Variants in PHF20 observed in about 807,000 individuals in gnomAD.
PHF20 encodes the protein PHD finger protein 20.
A neutral mutation model predicts 113.5 loss-of-function variants in PHF20; 23 were observed. The observed-to-expected ratio is 0.20, with a 90% CI of 0.15 to 0.29. The LOEUF (loss-of-function observed/expected upper bound fraction) is 0.29, where lower values mean the gene tolerates loss of function less well. Among genes scored for constraint, PHF20 ranks in the 10% least tolerant of loss-of-function variants. The pLI is 1.00. For missense variants in PHF20, 943 were observed against 1,219.6 expected (o/e 0.77, Z 3.38); for synonymous variants, 434 against 457.3 (o/e 0.95, Z 0.65).
intron 1 of PHF20, among the ~76,000 whole-genome samples, chr20:35,778,343 T>G (rs1288669920): frequency 6.6e-6 from 1 of 152,182 alleles, no homozygotes; most frequent in African/African-American, 2.4e-5. Context: ...AAATGTATGC[T>G]TAGTCAAGAT....
intron 2 of PHF20, among the ~76,000 whole-genome samples, chr20:35,803,724 G>A (rs945825188): frequency 2.0e-5 from 3 of 149,654 alleles, no homozygotes; most frequent in Non-Finnish European, 4.4e-5. Flanking sequence ...AATATACTGC[G>A]TGTGTGTATA....
Position 35,868,289 on chromosome 20 carries a change from A to G in PHF20, c.809-1149A>G, listed in dbSNP as rs1253539501. On this transcript the variant is annotated intron_variant, in intron 6 of 17. Coordinates refer to ENST00000374012, the MANE Select transcript of PHF20 (RefSeq NM_016436.5). The stretch of plus-strand genomic sequence containing the variant: ...GCCTGGGCAACGAGAGCAAAACTCT[A>G]TCTCAAAAAAAAGTTAATAGTAAAT... Among the ~76,000 whole-genome samples the G allele has an allele frequency of 1.3e-5, 2 of 150,174 alleles. 1 individual carries two copies.
Position 35,857,572 on chromosome 20 carries a change from T to TTTTG in PHF20, c.341-727_341-726insGTTT, listed in dbSNP as rs1186423472. 7.1e-3 allele frequency among the ~76,000 whole-genome samples: 931 copies of TTTTG among 130,272 alleles called. 8 individuals carry two copies. Among genetic ancestry groups the TTTTG allele is most frequent in the African/African-American group, 0.03 (885 of 29,788 alleles). 85.5% of individuals were successfully genotyped at this position (130,272 alleles called of 152,430 possible). A position where few individuals can be genotyped will look rare whatever the true frequency, so the allele number is the denominator to read the frequency against. On this transcript the variant is annotated intron_variant, in intron 4 of 17. Transcript: ENST00000374012. ...AGCTGAATGATGTTCCTTTTTTTTT[T>TTTTG]TTTTTTTTTTTTTTGTTTTTTTTTT...
At chr20:35,835,018 T>C (rs2146926127) in intron 2 of PHF20, among the ~76,000 whole-genome samples, 1 of 152,280 alleles carries the variant, frequency 6.6e-6, no homozygotes, top group East Asian at 1.9e-4. Context: ...GGCTCATGCC[T>C]GTAATCCCAG....
At chr20:35,857,640 C>A (rs780030500) in intron 4 of PHF20, among the ~76,000 whole-genome samples, 1 of 128,516 alleles carries the variant, frequency 7.8e-6, no homozygotes, top group Non-Finnish European at 1.5e-5. Flanking sequence ...GAGTGGAGTG[C>A]GATGGCAGGA....
chr20:35,786,479 G>C (rs1240560168), intron 1 of PHF20, among the ~76,000 whole-genome samples: 1 of 152,160 alleles, frequency 6.6e-6, no homozygotes, highest in Non-Finnish European at 1.5e-5. Context: ...CGAGGCGGGT[G>C]GATCACAAGG....
At chr20:35,922,621 A>G (rs960563109) in intron 13 of PHF20, among the ~76,000 whole-genome samples, 1 of 152,238 alleles carries the variant, frequency 6.6e-6, no homozygotes. Flanking sequence ...TAAATACGGT[A>G]TTTGAGAAAT....
intron 14 of PHF20, among the ~76,000 whole-genome samples, chr20:35,929,200 C>T (rs988459628): frequency 6.6e-6 from 1 of 152,170 alleles, no homozygotes; most frequent in African/African-American, 2.4e-5. Flanking sequence ...GTTGACTTTC[C>T]TCATAAAGCA....
At chr20:35,900,456 A>G (rs1012045993) in intron 10 of PHF20, among the ~76,000 whole-genome samples, 1 of 152,192 alleles carries the variant, frequency 6.6e-6, no homozygotes, top group Non-Finnish European at 1.5e-5. Context: ...AGAGCCATGC[A>G]GACTAAGGTG....
intron 9 of PHF20, among the ~76,000 whole-genome samples, chr20:35,878,286 A>G (rs1465563697): frequency 6.6e-6 from 1 of 152,186 alleles, no homozygotes; most frequent in South Asian, 2.1e-4. Flanking sequence ...GACTTCAGAT[A>G]CCTATGATAC....
In PHF20 at chr20:35,863,382, C is replaced by G; in HGVS notation, c.790C>G (p.Pro264Ala). ...ACCCAAAAGAAAACGAGGCAGACCCCCTTCCATAGCTCCTACTGGTGAGTT... is the reference window on the plus strand; with the variant it reads ...ACCCAAAAGAAAACGAGGCAGACCCGCTTCCATAGCTCCTACTGGTGAGTT... Reference protein sequence around the residue: ...REPKRKRGRPPSIAPTAVDSN... With the variant: ...REPKRKRGRPASIAPTAVDSN... The change falls in exon 6 of 18, where the codon CCT (proline) becomes GCT (alanine). Residue 264 changes from proline (P) to alanine (A), a missense_variant. Coordinates refer to ENST00000374012, the MANE Select transcript of PHF20 (RefSeq NM_016436.5). The G allele has an allele frequency of 6.2e-7, 1 of 1,603,506 alleles. No individual in the cohort carries two copies.
intron 3 of PHF20, among the ~76,000 whole-genome samples, chr20:35,847,149 C>T (rs2042638599): frequency 6.6e-6 from 1 of 152,116 alleles, no homozygotes; most frequent in African/African-American, 2.4e-5. Flanking sequence ...AAAACGTTTA[C>T]TTTTGGTGAG....
chr20:35,833,307 TA>T lies in PHF20; in HGVS notation c.84-9265del, dbSNP rs113239088. Among the ~76,000 whole-genome samples the T allele has an allele frequency of 3.0e-3, 452 of 152,270 alleles. 1 individual carries two copies. Among genetic ancestry groups the T allele is most frequent in the African/African-American group, 0.01 (423 of 41,560 alleles). ...AGCTTATTACGGTAACCTTATTTAT[TA>T]TGAATTTTTGCTTATCTGTCCTTTC... On this transcript the variant is annotated intron_variant, in intron 2 of 17. Transcript: ENST00000374012.
chr20:35,809,537 C>T (rs2041941058), intron 2 of PHF20, among the ~76,000 whole-genome samples: 1 of 150,756 alleles, frequency 6.6e-6, no homozygotes, highest in Admixed American at 6.6e-5. Flanking sequence ...TGAGATTGTG[C>T]CACTACACTT....
rs530611034 is a variant in PHF20, at chr20:35,917,241, G to A, written c.1826-243G>A. On this transcript the variant is annotated intron_variant, in intron 12 of 17. Coordinates refer to ENST00000374012, the MANE Select transcript of PHF20 (RefSeq NM_016436.5). ...TCTATGATCTTGAGTAGCCACTGCC[G>A]TTGGGCTTCATTCTCTCAGTGAAAT... The A allele has an allele frequency of 5.0e-4, 299 of 592,810 alleles. 3 individuals are homozygous for A. The Admixed American group carries it at 6.5e-3, about 13-fold the overall frequency. The allele number at this position is 592,810 out of a possible 1,614,324, so 36.7% of individuals were successfully genotyped here. A position where few individuals can be genotyped will look rare whatever the true frequency, so the allele number is the denominator to read the frequency against.
intron 12 of PHF20, among the ~76,000 whole-genome samples, chr20:35,915,905 C>T (rs556150278): frequency 6.7e-4 from 102 of 152,138 alleles, no homozygotes; most frequent in African/African-American, 2.0e-3. Context: ...GAGGCTGAGG[C>T]GGGTGGATTG....
At chr20:35,910,892 G>A (rs1461359192) in intron 10 of PHF20, among the ~76,000 whole-genome samples, 1 of 152,190 alleles carries the variant, frequency 6.6e-6, no homozygotes, top group Non-Finnish European at 1.5e-5. Flanking sequence ...GCCTCCCAAA[G>A]TGCTGGGAGT....
chr20:35,845,708 A>T (rs1384262085), intron 3 of PHF20, among the ~76,000 whole-genome samples: 1 of 151,578 alleles, frequency 6.6e-6, no homozygotes. Context: ...TTAAACAGGC[A>T]TTGAGACATC....
intron 11 of PHF20, 86 bp downstream of exon 11, chr20:35,913,433 T>G: frequency 1.1e-6 from 1 of 901,584 alleles, no homozygotes. Context: ...CCTCTGGGCC[T>G]GCGCTGAGCA....
Sources: gnomAD v4.1 joint callset for allele counts (sites outside exome capture counted in the v4.1 genomes callset) on GRCh38, gnomAD v4.1.1 for gene constraint, MANE v1.5 for transcripts, NCBI Gene and HGNC (gene_info 2026-07-23, HGNC 2026-07-21) for gene names.